Variants in EXD3 observed in about 807,000 individuals in gnomAD.
The protein encoded by EXD3 is exonuclease 3'-5' domain containing 3.
In EXD3, 92 loss-of-function variants were observed where a neutral mutation model predicts 98.0. That is an observed-to-expected ratio of 0.94 (90% CI 0.79 to 1.12). The LOEUF is 1.12. EXD3 is among the 50% of genes most tolerant of loss of function. EXD3 has a pLI of 0.00. For synonymous variants in EXD3, 569 were observed against 526.0 expected (o/e 1.08, Z -1.12); for missense variants, 1,222 against 1,191.6 (o/e 1.03, Z -0.38).
intron 1 of EXD3, among the ~76,000 whole-genome samples, chr9:137,401,399 C>T (rs1214876831): frequency 1.2e-4 from 18 of 152,158 alleles, no homozygotes; most frequent in Admixed American, 1.2e-3. Context: ...TTGTGATCTG[C>T]CTGCCTCGGC....
rs1834020678 is a variant in EXD3 at position 137,347,990 on chromosome 9, G to C, written c.1998+81C>G. Reference sequence around the variant, plus strand: ...AGCCATGGATGAGCTGGAGGGAGGAGTTTGATGCTAGGGGTGGGCACACCT... The same window carrying C: ...AGCCATGGATGAGCTGGAGGGAGGACTTTGATGCTAGGGGTGGGCACACCT... On this transcript the variant is annotated intron_variant, in intron 17 of 21. Coordinates refer to ENST00000340951, the MANE Select transcript of EXD3 (RefSeq NM_017820.5). The surrounding 1 kb of genome is among the most constrained non-coding windows in gnomAD (Gnocchi z 4.2). 2.1e-6 allele frequency: 3 copies of C among 1,455,156 alleles called. No individual in the cohort carries two copies. The highest frequency in any genetic ancestry group is 1.4e-5 in the African/African-American group (1 of 70,842). 90.1% of individuals were successfully genotyped at this position (1,455,156 alleles called of 1,614,324 possible). A position where few individuals can be genotyped will look rare whatever the true frequency, so the allele number is the denominator to read the frequency against.
chr9:137,373,169 C>T, intron 4 of EXD3, 97 bp from the exon 5 acceptor site: 1 of 1,401,712 alleles, frequency 7.1e-7, no homozygotes, highest in African/African-American at 1.4e-5. Context: ...CAGCGCCTGC[C>T]ACTGTGGCCA....
chr9:137,318,969 C>T (rs895700001), intron 19 of EXD3, among the ~76,000 whole-genome samples: 4 of 152,236 alleles, frequency 2.6e-5, no homozygotes, highest in Admixed American at 2.0e-4. Context: ...GAACCCTGCA[C>T]GTTGAGCGGG....
At position 137,356,281 on chromosome 9, in the gene EXD3, G is replaced by A. The variant is rs201059867; in HGVS notation, c.744C>T (p.Tyr248=). 4.7e-5 allele frequency: 76 copies of A among 1,600,766 alleles called. No individual in the cohort carries two copies. Among genetic ancestry groups the A allele is most frequent in the African/African-American group, 2.1e-4 (16 of 74,782 alleles). ...GGCTGGACTCACCTGGGGCTACGCC[G>A]TACCGCTCCTGCAGACGCAAGACCT... ...SRQVLRLQER[Y]GVAPALCPNA... is the part of the protein sequence containing the mutation. Residue 248 remains tyrosine (Y), a synonymous_variant, in exon 8 of 22, where the codon TAC becomes TAT. Coordinates refer to ENST00000340951, the MANE Select transcript of EXD3 (RefSeq NM_017820.5).
chr9:137,363,957 T>A (rs1439999333), intron 7 of EXD3, among the ~76,000 whole-genome samples: 1 of 152,206 alleles, frequency 6.6e-6, no homozygotes, highest in Non-Finnish European at 1.5e-5. Flanking sequence ...CTTATATTTT[T>A]ATCTCTTTCT....
intron 17 of EXD3, among the ~76,000 whole-genome samples, chr9:137,325,472 G>A (rs944059597): frequency 1.3e-5 from 2 of 151,592 alleles, no homozygotes; most frequent in African/African-American, 4.9e-5. Flanking sequence ...TCACTGTGTC[G>A]CCCAGGCTGG....
chr9:137,326,687 A>AC, intron 17 of EXD3, among the ~76,000 whole-genome samples: 1 of 145,430 alleles, frequency 6.9e-6, no homozygotes, highest in East Asian at 2.7e-4. Flanking sequence ...TGGCCTTTAT[A>AC]AAAAAAAAGG....
chr9:137,318,563 A>AG lies in EXD3; in HGVS notation c.2184+5161dup, dbSNP rs1192265488. Among the ~76,000 whole-genome samples the AG allele has an allele frequency of 2.6e-5, 4 of 151,660 alleles. No homozygotes were observed. In the East Asian group the frequency reaches 7.8e-4, roughly 30 times the overall value. On this transcript the variant is annotated intron_variant, in intron 19 of 21. Transcript: ENST00000340951. ...TGGTAAGGGTTTTTTTTTAAGCTTG[A>AG]GCTTCTTTGATAAAATATTTTCCCA...
rs1836526080 is a variant in EXD3, at chr9:137,385,221, GCA to G, written c.56-1846_56-1845del. 2.6e-5 allele frequency among the ~76,000 whole-genome samples: 4 copies of G among 152,344 alleles called. No individual in the cohort carries two copies. The South Asian group carries it at 8.3e-4, about 32-fold the overall frequency. The stretch of plus-strand genomic sequence containing the variant: ...GCGCTCAGAACCGTCCCACCATCGT[GCA>G]CAGTGTGCTGCATACAGAGGCTGAG... On this transcript the variant is annotated intron_variant, in intron 2 of 21. Coordinates refer to ENST00000340951, the MANE Select transcript of EXD3 (RefSeq NM_017820.5). The surrounding 1 kb of genome is among the most constrained non-coding windows in gnomAD (Gnocchi z 4.4).
intron 20 of EXD3, 71 bp from the exon 21 acceptor site, chr9:137,307,717 G>A: frequency 6.4e-7 from 1 of 1,565,818 alleles, no homozygotes; most frequent in Non-Finnish European, 8.7e-7. Flanking sequence ...CGGGGTCCAT[G>A]ACGCAGCCAT....
At position 137,395,489 on chromosome 9, in the gene EXD3, G is replaced by A. The variant is rs1000851829; in HGVS notation, c.-47-85C>T. On this transcript the variant is annotated intron_variant, in intron 1 of 21. Transcript: ENST00000340951. This position sits in a 1 kb window ranked among gnomAD's most constrained non-coding sequence, Gnocchi z 6.5. Reference sequence around the variant, plus strand: ...CCCACGCCCACAGCCCCTGGAGGTGGTGGAGGGAGCTGGTGCCTGGGGGGG... The same window carrying A: ...CCCACGCCCACAGCCCCTGGAGGTGATGGAGGGAGCTGGTGCCTGGGGGGG... 5 of 1,358,454 alleles carry A rather than the reference G, an allele frequency of 3.7e-6. No individual in the cohort carries two copies. Among genetic ancestry groups the A allele is most frequent in the Non-Finnish European group, 4.1e-6 (4 of 983,190 alleles). 84.2% of individuals were successfully genotyped at this position (1,358,454 alleles called of 1,614,324 possible). A position where few individuals can be genotyped will look rare whatever the true frequency, so the allele number is the denominator to read the frequency against.
rs1185996932 is a variant in EXD3, at chr9:137,393,313, G to C, written c.55+1990C>G. 1 of 695,070 alleles carries C rather than the reference G, an allele frequency of 1.4e-6. No individual in the cohort carries two copies. The highest frequency in any genetic ancestry group is 2.6e-6 in the Non-Finnish European group (1 of 380,732). 43.1% of individuals were successfully genotyped at this position (695,070 alleles called of 1,614,324 possible). ...TCCCCGGCCCTGACGGCGGTCTCCAGGGGAGGTAACAGGGCCTCATCCCAC... is the reference window on the plus strand; with the variant it reads ...TCCCCGGCCCTGACGGCGGTCTCCACGGGAGGTAACAGGGCCTCATCCCAC... On this transcript the variant is annotated intron_variant, in intron 2 of 21. Transcript: ENST00000340951. The surrounding 1 kb of genome is among the most constrained non-coding windows in gnomAD (Gnocchi z 4.6).
rs1465407588 is a variant in EXD3, at chr9:137,371,634, G to A, written c.462+1271C>T. Among the ~76,000 whole-genome samples the A allele has an allele frequency of 2.6e-5, 4 of 151,738 alleles. No individual in the cohort carries two copies. The highest frequency in any genetic ancestry group is 2.9e-5 in the Non-Finnish European group (2 of 67,868). On this transcript the variant is annotated intron_variant, in intron 5 of 21. Coordinates refer to ENST00000340951, the MANE Select transcript of EXD3 (RefSeq NM_017820.5). This position sits in a 1 kb window ranked among gnomAD's most constrained non-coding sequence, Gnocchi z 8.0. ...GAGTGGACCAGTGCCCCTGAGTGCC[G>A]GCCTCCTCATACATGATCAGTGCAC...
chr9:137,323,928 G>A (rs1474978982), intron 18 of EXD3, 72 bp from the exon 19 acceptor site: 33 of 1,539,926 alleles, frequency 2.1e-5, no homozygotes, highest in African/African-American at 6.8e-5. Context: ...GCCCGCCTCC[G>A]CCAGCATGGG....
chr9:137,355,592 GGGCGGAAGGAGAAA>G (rs1834671483), intron 8 of EXD3, among the ~76,000 whole-genome samples: 16 of 5,100 alleles, frequency 3.1e-3, no homozygotes, highest in South Asian at 7.0e-3. Context: ...GAAGGAGAAA[GGGCGGAAGGAGAAA>G]GGAGGAAGGA....
intron 8 of EXD3, among the ~76,000 whole-genome samples, chr9:137,355,707 A>AGGAGAAAG (rs1834730017): frequency 2.2e-5 from 3 of 139,142 alleles, no homozygotes; most frequent in African/African-American, 5.7e-5. Context: ...GGAAGGAGGA[A>AGGAGAAAG]GGAGGAAGGA....
At chr9:137,406,467 G>A (rs1837719493) in intron 1 of EXD3, among the ~76,000 whole-genome samples, 1 of 152,138 alleles carries the variant, frequency 6.6e-6, no homozygotes, top group Admixed American at 6.5e-5. Flanking sequence ...CCTGACAGGA[G>A]GCCGCTCCAC....
chr9:137,315,390 G>A (rs945308597), intron 19 of EXD3, among the ~76,000 whole-genome samples: 1 of 152,208 alleles, frequency 6.6e-6, no homozygotes, highest in African/African-American at 2.4e-5. Flanking sequence ...CACCGCCACC[G>A]CCGGAGAGAC....
intron 1 of EXD3, among the ~76,000 whole-genome samples, chr9:137,418,676 ATG>A (rs1403372651): frequency 6.6e-6 from 1 of 152,190 alleles, no homozygotes; most frequent in Non-Finnish European, 1.5e-5. Flanking sequence ...TGTACGTGAG[ATG>A]TATAAGAAAA....
Sources: gnomAD v4.1 joint callset for allele counts (sites outside exome capture counted in the v4.1 genomes callset) on GRCh38, gnomAD v4.1.1 for gene constraint, Gnocchi (gnomAD v3.1) non-coding constraint, MANE v1.5 for transcripts, NCBI Gene and HGNC (gene_info 2026-07-23, HGNC 2026-07-21) for gene names.